The following PTPRT variants were observed in gnomAD, a reference collection of about 807,000 sequenced individuals.
PTPRT encodes the protein protein tyrosine phosphatase receptor type T.
In PTPRT, 56 loss-of-function variants were observed where a neutral mutation model predicts 176.8. The ratio of observed to expected loss-of-function variants is 0.32; its 90% confidence interval spans 0.26 to 0.40. The LOEUF (loss-of-function observed/expected upper bound fraction) is 0.40. PTPRT is among the 10% of genes least tolerant of loss of function. PTPRT has a pLI of 1.00. For missense variants in PTPRT, 1,540 were observed against 1,908.2 expected, an observed-to-expected ratio of 0.81 and a Z score of 3.60; for synonymous variants, 783 against 739.0, an observed-to-expected ratio of 1.06 and a Z score of -0.96.
At chr20:42,292,014 G>A (rs2057324250) in intron 12 of PTPRT, among the ~76,000 whole-genome samples, 1 of 152,100 alleles carries the variant, frequency 6.6e-6, no homozygotes, top group Non-Finnish European at 1.5e-5. Context: ...AGATGGTGGT[G>A]CCTTAGACCA....
Position 42,953,809 on chromosome 20 carries a change from C to T in PTPRT, c.89-67877G>A, listed in dbSNP as rs367597111. 4.6e-5 allele frequency among the ~76,000 whole-genome samples: 7 copies of T among 152,156 alleles called. No individual in the cohort carries two copies. The East Asian group carries it at 7.7e-4, about 17-fold the overall frequency. On this transcript the variant is annotated intron_variant, in intron 1 of 30. Transcript: ENST00000373187. ...ATCTTGGTATTATTGGCATTTTGCA[C>T]CAGATTCTTCTCTGTTTAGGGGGCT...
chr20:42,249,678 A>G (rs940789271), intron 13 of PTPRT, among the ~76,000 whole-genome samples: 2 of 152,194 alleles, frequency 1.3e-5, no homozygotes, highest in Admixed American at 6.5e-5. Context: ...CCTGATTCCA[A>G]TTTTAGACCT....
chr20:42,638,350 G>C (rs1286834671), intron 7 of PTPRT, among the ~76,000 whole-genome samples: 1 of 152,064 alleles, frequency 6.6e-6, no homozygotes, highest in Non-Finnish European at 1.5e-5. Flanking sequence ...TGCCCTGCCT[G>C]AGCGGTCGAA....
At position 42,259,379 on chromosome 20, in the gene PTPRT, A is replaced by G. The variant is rs556968322; in HGVS notation, c.2177-10557T>C. On this transcript the variant is annotated intron_variant, in intron 13 of 30. Coordinates refer to ENST00000373187, the MANE Select transcript of PTPRT (RefSeq NM_007050.6). ...ACTTATTTATGAGCAGTCATGCCCA[A>G]CTGATGCCAGACACAGTCATTATTG... Among the ~76,000 whole-genome samples, 42 of 152,330 alleles carry G rather than the reference A, an allele frequency of 2.8e-4. 1 individual carries two copies. The South Asian group carries it at 7.9e-3, about 29-fold the overall frequency.
chr20:42,554,109 A>T (rs2072818062), intron 7 of PTPRT, among the ~76,000 whole-genome samples: 1 of 152,090 alleles, frequency 6.6e-6, no homozygotes, highest in South Asian at 2.1e-4. Context: ...TTCTTGGGAG[A>T]AGAGAAAAGA....
At chr20:42,725,009 T>TGTGTGTGTGTGTGTGTGTGTG (rs1569113401) in intron 6 of PTPRT, among the ~76,000 whole-genome samples, 5 of 133,958 alleles carry the variant, frequency 3.7e-5, no homozygotes, top group African/African-American at 1.3e-4. Context: ...TGGACATCTT[T>TGTGTGTGTGTGTGTGTGTGTG]TGTGTGTGTG....
intron 1 of PTPRT, among the ~76,000 whole-genome samples, chr20:43,154,139 T>G (rs1320447978): frequency 6.6e-6 from 1 of 152,210 alleles, no homozygotes; most frequent in Non-Finnish European, 1.5e-5. Flanking sequence ...CTTCTAATCA[T>G]TTCATCATTT....
intron 6 of PTPRT, among the ~76,000 whole-genome samples, chr20:42,713,257 T>C (rs2076172884): frequency 1.3e-5 from 2 of 152,116 alleles, no homozygotes; most frequent in Non-Finnish European, 2.9e-5. Context: ...ATTTTCAGTG[T>C]ACCTTTTTCT....
chr20:42,780,096 A>T, intron 4 of PTPRT, 122 bp downstream of exon 4: 1 of 850,612 alleles, frequency 1.2e-6, no homozygotes, highest in Non-Finnish European at 2.0e-6. Flanking sequence ...TTTCTGAAGG[A>T]TTCAAAGAGA....
chr20:43,069,075 A>G (rs2011148689), intron 1 of PTPRT, among the ~76,000 whole-genome samples: 2 of 152,186 alleles, frequency 1.3e-5, no homozygotes, highest in Admixed American at 6.5e-5. Flanking sequence ...GATTCCAAAG[A>G]TGTGAGCTCT....
intron 9 of PTPRT, among the ~76,000 whole-genome samples, chr20:42,376,541 G>T (rs1411147746): frequency 1.3e-5 from 2 of 152,178 alleles, no homozygotes; most frequent in African/African-American, 4.8e-5. Context: ...TCTCTGGGGA[G>T]AAGTTCACAG....
At chr20:43,066,150 A>C (rs868401881) in intron 1 of PTPRT, among the ~76,000 whole-genome samples, 1 of 152,154 alleles carries the variant, frequency 6.6e-6, no homozygotes. Context: ...AATTTACATA[A>C]ACTATACACG....
intron 9 of PTPRT, among the ~76,000 whole-genome samples, chr20:42,422,069 A>T (rs1175109332): frequency 2.0e-5 from 3 of 152,238 alleles, no homozygotes; most frequent in Non-Finnish European, 2.9e-5. Context: ...TGGATTACAG[A>T]CTTAAATGTA....
chr20:42,077,699 C>T lies in PTPRT; in HGVS notation c.*3180G>A. 1 of 218,638 alleles carries T rather than the reference C, an allele frequency of 4.6e-6. No individual in the cohort carries two copies. The highest frequency in any genetic ancestry group is 9.2e-6 in the Non-Finnish European group (1 of 108,830). The allele number at this position is 218,638 out of a possible 1,614,324, so 13.5% of individuals were successfully genotyped here. A position where few individuals can be genotyped will look rare whatever the true frequency, so the allele number is the denominator to read the frequency against. ...TCAATTTCTTCCTGTGTGCACTGGC[C>T]TAAGACCTATTCACTGTCCTGCTTT... On this transcript the variant is annotated 3_prime_UTR_variant, in exon 31 of 31. Transcript: ENST00000373187.
In PTPRT at chr20:42,125,868, C is replaced by G. The variant is rs147203279; in HGVS notation, c.2847+2886G>C. ...ATGATGAATGCCAGATACAGAAACT[C>G]AGGCATGCCAGACCCTGTGTGGCCT... On this transcript the variant is annotated intron_variant, in intron 19 of 30. Coordinates refer to ENST00000373187, the MANE Select transcript of PTPRT (RefSeq NM_007050.6). 3.3e-4 allele frequency among the ~76,000 whole-genome samples: 50 copies of G among 152,262 alleles called. 1 individual carries two copies. Among genetic ancestry groups the G allele is most frequent in the Admixed American group, 1.8e-3 (28 of 15,294 alleles).
chr20:42,060,605 A>T, the PTPRT span, among the ~76,000 whole-genome samples: 1 of 152,172 alleles, frequency 6.6e-6, no homozygotes. Flanking sequence ...CCCCTGCACA[A>T]GTTTTCTCTC....
At chr20:42,288,456 A>T (rs2057266990) in intron 12 of PTPRT, among the ~76,000 whole-genome samples, 1 of 152,004 alleles carries the variant, frequency 6.6e-6, no homozygotes, top group African/African-American at 2.4e-5. Context: ...CCCATCACCC[A>T]AAGAGTGAAC....
rs138984588 is a variant in PTPRT, at chr20:42,838,893, T to G, written c.214+46914A>C. Among the ~76,000 whole-genome samples the G allele has an allele frequency of 2.2e-3, 335 of 152,242 alleles. 11 individuals carry two copies. Among genetic ancestry groups the G allele is most frequent in the Admixed American group, 0.018 (282 of 15,300 alleles). On this transcript the variant is annotated intron_variant, in intron 2 of 30. Transcript: ENST00000373187. ...CTCTGGGGAGTCCTTGCCCCCTTTATATAGGAACCTGTGCTTGGGCTTGGG... is the reference window on the plus strand; with the variant it reads ...CTCTGGGGAGTCCTTGCCCCCTTTAGATAGGAACCTGTGCTTGGGCTTGGG...
At chr20:42,308,012 A>G (rs144114228) in intron 12 of PTPRT, among the ~76,000 whole-genome samples, 46 of 152,300 alleles carry the variant, frequency 3.0e-4, no homozygotes, top group African/African-American at 1.1e-3. Context: ...CGGCACCATG[A>G]CAGTTTATAA....
Sources: allele counts gnomAD v4.1 joint callset (sites outside exome capture counted in the v4.1 genomes callset), GRCh38; gene constraint gnomAD v4.1.1; transcripts MANE v1.5; gene names NCBI Gene and HGNC (gene_info 2026-07-23, HGNC 2026-07-21).